The following ADGRA3 variants were observed in gnomAD, a reference collection of about 807,000 sequenced individuals.
ADGRA3 encodes the protein G-protein coupled receptor 125.
Under a neutral mutation model 119.8 loss-of-function variants are expected in ADGRA3, and 56 were observed. That is an observed-to-expected ratio of 0.47 (90% CI 0.38 to 0.58). ADGRA3 has a LOEUF of 0.58. Among genes scored for constraint, ADGRA3 ranks in the 20% least tolerant of loss-of-function variants. ADGRA3 has a pLI of 0.00. For missense variants in ADGRA3, 1,516 were observed against 1,649.0 expected (o/e 0.92, Z 1.40); for synonymous variants, 607 against 623.8 (o/e 0.97, Z 0.40).
intron 11 of ADGRA3, among the ~76,000 whole-genome samples, chr4:22,423,572 T>C (rs1465769262): frequency 6.6e-6 from 1 of 152,204 alleles, no homozygotes; most frequent in Non-Finnish European, 1.5e-5. Flanking sequence ...TTACAACTGT[T>C]CAATTTATCA....
chr4:22,479,298 C>T (rs1718165494), intron 1 of ADGRA3, among the ~76,000 whole-genome samples: 1 of 152,144 alleles, frequency 6.6e-6, no homozygotes, highest in African/African-American at 2.4e-5. Context: ...ACCATCTCTA[C>T]TAAAAATATA....
intron 10 of ADGRA3, among the ~76,000 whole-genome samples, chr4:22,434,250 T>C: frequency 6.7e-6 from 1 of 149,126 alleles, no homozygotes; most frequent in Non-Finnish European, 1.5e-5. Flanking sequence ...GTATATATAA[T>C]TGATATATAA....
chr4:22,451,881 A>G (rs1182764101), intron 4 of ADGRA3, among the ~76,000 whole-genome samples: 1 of 152,220 alleles, frequency 6.6e-6, no homozygotes, highest in African/African-American at 2.4e-5. Context: ...TACATGCTCC[A>G]TTCCTAATCA....
chr4:22,410,003 A>G (rs1230401071), intron 14 of ADGRA3, among the ~76,000 whole-genome samples: 1 of 152,152 alleles, frequency 6.6e-6, no homozygotes, highest in South Asian at 2.1e-4. Flanking sequence ...CAAAAACATC[A>G]CTAGCATTTA....
intron 10 of ADGRA3, 82 bp from the exon 11 acceptor site, chr4:22,424,434 T>G (rs1427400886): frequency 6.8e-7 from 1 of 1,461,730 alleles, no homozygotes; most frequent in Non-Finnish European, 9.3e-7. Context: ...TAATGGACAG[T>G]GAGATTGGCC....
Position 22,401,359 on chromosome 4 carries a change from C to T in ADGRA3, c.2481+72G>A. ...AAAAGGTATTAAAGAATGATTTTTT[C>T]TTTTTATAGTTAATGAAATTATCTT... is the stretch of plus-strand genomic sequence containing the variant. On this transcript the variant is annotated intron_variant, in intron 16 of 18. Coordinates refer to ENST00000334304, the MANE Select transcript of ADGRA3 (RefSeq NM_145290.4). The T allele has an allele frequency of 5.9e-6, 8 of 1,358,730 alleles. No individual in the cohort carries two copies. In the Admixed American group the frequency reaches 6.9e-5, roughly 12 times the overall value. The allele number at this position is 1,358,730 out of a possible 1,614,324, so 84.2% of individuals were successfully genotyped here.
chr4:22,422,491 A>C (rs1328543274), intron 11 of ADGRA3, among the ~76,000 whole-genome samples: 2 of 152,152 alleles, frequency 1.3e-5, no homozygotes, highest in African/African-American at 4.8e-5. Flanking sequence ...TGTGTATTCT[A>C]ATTTTTTGCT....
At chr4:22,454,659 C>T (rs990648401) in intron 4 of ADGRA3, among the ~76,000 whole-genome samples, 9 of 152,052 alleles carry the variant, frequency 5.9e-5, no homozygotes, top group Admixed American at 1.3e-4. Context: ...GGTGTACATG[C>T]ACATGTGTCC....
chr4:22,414,409 T>A (rs1715348847), intron 12 of ADGRA3: 6 of 466,830 alleles, frequency 1.3e-5, no homozygotes, highest in East Asian at 1.0e-4. Flanking sequence ...TGCTGACTGA[T>A]CACTGAATTT....
intron 1 of ADGRA3, among the ~76,000 whole-genome samples, chr4:22,492,784 G>A (rs1207309745): frequency 6.6e-6 from 1 of 152,124 alleles, no homozygotes; most frequent in Non-Finnish European, 1.5e-5. Context: ...AGAAAACAAA[G>A]ACTAGCCAAA....
In ADGRA3 at chr4:22,491,258, C is replaced by T. The variant is rs1718612050; in HGVS notation, c.258-17415G>A. ...TCCAGGGCAGAAGTCAAGAAACTTG[C>T]CAGGTGCCAGACGGCAAATACTTTG... On this transcript the variant is annotated intron_variant, in intron 1 of 18. Transcript: ENST00000334304. Among the ~76,000 whole-genome samples, 6 of 152,276 alleles carry T rather than the reference C, an allele frequency of 3.9e-5. No homozygotes were observed. In the South Asian group the frequency reaches 1.0e-3, roughly 26 times the overall value.
At position 22,443,212 on chromosome 4, in the gene ADGRA3, C is replaced by T. The variant is rs539255182; in HGVS notation, c.707-349G>A. On this transcript the variant is annotated intron_variant, in intron 6 of 18. Coordinates refer to ENST00000334304, the MANE Select transcript of ADGRA3 (RefSeq NM_145290.4). ...TGTTGATATTTACAACTTTAAAATA[C>T]ACTTTGGAGACTGCAATACCTTTGA... is the stretch of plus-strand genomic sequence containing the variant. 8.5e-6 allele frequency: 5 copies of T among 587,326 alleles called. No homozygotes were observed. The South Asian group carries it at 1.1e-4, about 12-fold the overall frequency. The allele number at this position is 587,326 out of a possible 1,614,324, so 36.4% of individuals were successfully genotyped here.
At chr4:22,506,153 A>G (rs1719229977) in intron 1 of ADGRA3, among the ~76,000 whole-genome samples, 1 of 152,208 alleles carries the variant, frequency 6.6e-6, no homozygotes, top group Non-Finnish European at 1.5e-5. Context: ...GGGGAGAAGC[A>G]GGAAGGTGCT....
intron 1 of ADGRA3, among the ~76,000 whole-genome samples, chr4:22,501,248 G>T (rs550172435): frequency 6.6e-6 from 1 of 152,190 alleles, no homozygotes; most frequent in East Asian, 1.9e-4. Context: ...CTCTACAGGG[G>T]TTCCATCAAA....
intron 4 of ADGRA3, among the ~76,000 whole-genome samples, chr4:22,453,350 C>T (rs1036729126): frequency 2.0e-5 from 3 of 152,074 alleles, no homozygotes; most frequent in African/African-American, 7.2e-5. Context: ...AGTAAAGCTG[C>T]ACACCAAATC....
intron 7 of ADGRA3, among the ~76,000 whole-genome samples, chr4:22,442,179 TAATTA>T (rs895703058): frequency 2.6e-5 from 4 of 152,136 alleles, no homozygotes; most frequent in Non-Finnish European, 4.4e-5. Flanking sequence ...TTTTTACTTT[TAATTA>T]TTTTGGTATT....
At chr4:22,500,639 A>G (rs1316150314) in intron 1 of ADGRA3, among the ~76,000 whole-genome samples, 5 of 152,196 alleles carry the variant, frequency 3.3e-5, no homozygotes, top group Non-Finnish European at 4.4e-5. Flanking sequence ...AAGCAAGACA[A>G]TAACAACAAC....
chr4:22,436,584 A>G lies in ADGRA3; in HGVS notation c.1143T>C (p.His381=). The change falls in exon 9 of 19, where the codon CAT becomes CAC. Residue 381 remains histidine, a synonymous_variant. Coordinates refer to ENST00000334304, the MANE Select transcript of ADGRA3 (RefSeq NM_145290.4). ...TAYLQCTRNT[H]GSGIYPGNPQ... is the part of the protein sequence containing the mutation. ...GGTTTCCGGGATATATCCCACTGCC[A>G]TGGGTGTTCCGCGTACACTGCAGAT... is the stretch of plus-strand genomic sequence containing the variant. The G allele has an allele frequency of 6.2e-7, 1 of 1,614,088 alleles. No individual in the cohort carries two copies. Among genetic ancestry groups the G allele is most frequent in the Non-Finnish European group, 8.5e-7 (1 of 1,179,966 alleles).
At chr4:22,444,553 C>T (rs966260756) in intron 6 of ADGRA3, among the ~76,000 whole-genome samples, 1 of 152,010 alleles carries the variant, frequency 6.6e-6, no homozygotes, top group East Asian at 1.9e-4. Context: ...TGTGAGCCAC[C>T]GCGCCCTGCC....
Sources: allele counts gnomAD v4.1 joint callset (sites outside exome capture counted in the v4.1 genomes callset), GRCh38; gene constraint gnomAD v4.1.1; transcripts MANE v1.5; gene names NCBI Gene and HGNC (gene_info 2026-07-23, HGNC 2026-07-21).